Variants in SDK1 observed in about 807,000 individuals in gnomAD.
SDK1 encodes protein sidekick-1.
SDK1 carries 157 observed loss-of-function variants against 245.5 expected under a neutral mutation model. That is an observed-to-expected ratio of 0.64 (90% CI 0.56 to 0.73). The LOEUF is 0.73. SDK1 is among the 30% of genes least tolerant of loss of function. The pLI is 0.00. For synonymous variants in SDK1, 1,647 were observed against 1,278.5 expected, an observed-to-expected ratio of 1.29 and a Z score of -6.15; for missense variants, 3,583 against 3,002.3, an observed-to-expected ratio of 1.19 and a Z score of -4.52.
intron 5 of SDK1, among the ~76,000 whole-genome samples, chr7:3,908,602 T>G (rs1249818539): frequency 6.6e-6 from 1 of 152,168 alleles, no homozygotes; most frequent in African/African-American, 2.4e-5. Flanking sequence ...TTCCTTCCTT[T>G]AAATATTCCG....
intron 38 of SDK1, among the ~76,000 whole-genome samples, chr7:4,215,933 C>A (rs1323275695): frequency 6.6e-6 from 1 of 152,176 alleles, no homozygotes; most frequent in East Asian, 1.9e-4. Context: ...CTGCAGAGAC[C>A]ACATGTCCTG....
At chr7:4,022,673 G>A (rs1215815276) in intron 17 of SDK1, among the ~76,000 whole-genome samples, 1 of 152,068 alleles carries the variant, frequency 6.6e-6, no homozygotes, top group Non-Finnish European at 1.5e-5. Context: ...TTTCCTTCCA[G>A]GCAACTCCTT....
rs970941258 is a variant in SDK1 at position 3,956,481 on chromosome 7, G to A, written c.1151-2450G>A. On this transcript the variant is annotated intron_variant, in intron 7 of 44. Transcript: ENST00000404826. ...GGGGAAGTACTAAGGGAAGCTCAGAGGCCACGCAGGGCATGGGCAGCTCTG... is the reference window on the plus strand; with the variant it reads ...GGGGAAGTACTAAGGGAAGCTCAGAAGCCACGCAGGGCATGGGCAGCTCTG... Among the ~76,000 whole-genome samples, 226 of 152,296 alleles carry A rather than the reference G, an allele frequency of 1.5e-3. 1 individual carries two copies. Among genetic ancestry groups the A allele is most frequent in the African/African-American group, 5.3e-3 (221 of 41,554 alleles).
chr7:3,871,538 C>G (rs1368126525), intron 5 of SDK1, among the ~76,000 whole-genome samples: 1 of 152,236 alleles, frequency 6.6e-6, no homozygotes, highest in East Asian at 1.9e-4. Flanking sequence ...GTTCTGTAGG[C>G]TGTGCAGGAA....
At chr7:4,197,316 A>AAAAG (rs574598809) in intron 35 of SDK1, among the ~76,000 whole-genome samples, 29 of 150,054 alleles carry the variant, frequency 1.9e-4, no homozygotes, top group South Asian at 1.1e-3. Flanking sequence ...AAAGAAAAAG[A>AAAAG]AAAGAAAGAA....
intron 1 of SDK1, among the ~76,000 whole-genome samples, chr7:3,465,896 A>G (rs1562502633): frequency 6.6e-6 from 1 of 152,186 alleles, no homozygotes; most frequent in African/African-American, 2.4e-5. Context: ...AACTACACCT[A>G]AGGCGTTCAC....
intron 19 of SDK1, among the ~76,000 whole-genome samples, chr7:4,065,096 C>T (rs1350958563): frequency 6.6e-6 from 1 of 152,096 alleles, no homozygotes; most frequent in East Asian, 1.9e-4. Flanking sequence ...ATAAATACTC[C>T]AGGCCATAGG....
rs574946014 is a variant in SDK1 at position 3,558,603 on chromosome 7, G to C, written c.299-60477G>C. On this transcript the variant is annotated intron_variant, in intron 1 of 44. Coordinates refer to ENST00000404826, the MANE Select transcript of SDK1 (RefSeq NM_152744.4). ...TTATTGCTCTGTGAAGGGAGTAAGA[G>C]CTGGGAGGGGGCAGAGGGGCAATGC... Among the ~76,000 whole-genome samples, 4 of 152,342 alleles carry C rather than the reference G, an allele frequency of 2.6e-5. 1 individual carries two copies. In the South Asian group the frequency reaches 8.3e-4, roughly 32 times the overall value.
chr7:4,208,648 G>A (rs1357739889), intron 37 of SDK1, among the ~76,000 whole-genome samples: 1 of 152,212 alleles, frequency 6.6e-6, no homozygotes, highest in South Asian at 2.1e-4. Flanking sequence ...CCCATCAGGG[G>A]CGCCTGATGG....
chr7:3,526,398 CTATGA>C (rs1202089916), intron 1 of SDK1, among the ~76,000 whole-genome samples: 1 of 152,112 alleles, frequency 6.6e-6, no homozygotes, highest in East Asian at 1.9e-4. Flanking sequence ...AGTTCTTTGT[CTATGA>C]TATATTATAA....
At chr7:4,041,288 C>CCTTT (rs539242864) in intron 17 of SDK1, among the ~76,000 whole-genome samples, 1 of 142,018 alleles carries the variant, frequency 7.0e-6, no homozygotes, top group Non-Finnish European at 1.5e-5. Context: ...TTTTGTTTTA[C>CCTTT]TTTTTTTTTT....
At chr7:3,525,463 A>G (rs894875100) in intron 1 of SDK1, among the ~76,000 whole-genome samples, 2 of 152,052 alleles carry the variant, frequency 1.3e-5, no homozygotes. Flanking sequence ...TTACTCCCCA[A>G]GTAGTCTGTG....
Position 4,218,595 on chromosome 7 carries a change from A to C in SDK1, c.5540-1514A>C, listed in dbSNP as rs1439124234. Among the ~76,000 whole-genome samples the C allele has an allele frequency of 2.0e-5, 3 of 152,160 alleles. No homozygotes were observed. In the East Asian group the frequency reaches 5.8e-4, roughly 29 times the overall value. ...TAGGAAGGCGCTTTGTTCTGTTCTG[A>C]AGTGGAGATGACTGGGGTATTCCAG... On this transcript the variant is annotated intron_variant, in intron 38 of 44. Transcript: ENST00000404826.
At chr7:3,438,998 G>T (rs1780113746) in intron 1 of SDK1, among the ~76,000 whole-genome samples, 1 of 151,718 alleles carries the variant, frequency 6.6e-6, no homozygotes, top group Non-Finnish European at 1.5e-5. Flanking sequence ...GATTACTGTT[G>T]CCTGCTACCA....
intron 1 of SDK1, among the ~76,000 whole-genome samples, chr7:3,416,884 G>C (rs1379877195): frequency 6.6e-6 from 1 of 152,096 alleles, no homozygotes; most frequent in African/African-American, 2.4e-5. Flanking sequence ...ATAAAAGTGA[G>C]CCATGCAGCC....
chr7:3,463,345 T>C (rs1315245099), intron 1 of SDK1, among the ~76,000 whole-genome samples: 1 of 151,330 alleles, frequency 6.6e-6, no homozygotes, highest in Non-Finnish European at 1.5e-5. Flanking sequence ...AGGACTCACA[T>C]ATTCATGAAT....
intron 1 of SDK1, among the ~76,000 whole-genome samples, chr7:3,500,141 G>C (rs1431701734): frequency 6.6e-6 from 1 of 152,222 alleles, no homozygotes; most frequent in East Asian, 1.9e-4. Context: ...CTTGTCTATC[G>C]AGTCACATTG....
chr7:3,899,805 C>T (rs949064643), intron 5 of SDK1, among the ~76,000 whole-genome samples: 1 of 152,248 alleles, frequency 6.6e-6, no homozygotes, highest in African/African-American at 2.4e-5. Context: ...TGACACTCCT[C>T]TATAGGGGGC....
At chr7:3,401,934 C>G (rs1451449372) in intron 1 of SDK1, among the ~76,000 whole-genome samples, 1 of 152,052 alleles carries the variant, frequency 6.6e-6, no homozygotes, top group South Asian at 2.1e-4. Flanking sequence ...CATGTTCTTA[C>G]GTATGTGTGT....
Sources: gnomAD v4.1 joint callset for allele counts (sites outside exome capture counted in the v4.1 genomes callset) on GRCh38, gnomAD v4.1.1 for gene constraint, MANE v1.5 for transcripts, NCBI Gene and HGNC (gene_info 2026-07-23, HGNC 2026-07-21) for gene names.